The following SOX5 variants were observed in gnomAD, a reference collection of about 807,000 sequenced individuals.
SOX5 encodes the protein SRY-box transcription factor 5, also known as transcription factor SOX-5.
A neutral mutation model predicts 92.0 loss-of-function variants in SOX5; 9 were observed. The observed-to-expected ratio is 0.10, with a 90% CI of 0.06 to 0.17. SOX5 has a LOEUF of 0.17. Ranked by LOEUF, SOX5 falls within the 10% of genes least tolerant of loss-of-function variation. The pLI, the probability that SOX5 is intolerant of heterozygous loss-of-function variation, is 1.00. For missense variants in SOX5, 642 were observed against 944.5 expected (o/e 0.68, Z 4.20); for synonymous variants, 344 against 336.3 (o/e 1.02, Z -0.25).
intron 1 of SOX5, among the ~76,000 whole-genome samples, chr12:23,946,373 C>T (rs909307061): frequency 1.7e-4 from 26 of 151,818 alleles, no homozygotes; most frequent in Non-Finnish European, 3.1e-4. Flanking sequence ...GAAACTGTAA[C>T]GGGAAGCTTA....
intron 2 of SOX5, among the ~76,000 whole-genome samples, chr12:24,361,483 T>C (rs1441281872): frequency 6.6e-6 from 1 of 152,116 alleles, no homozygotes; most frequent in African/African-American, 2.4e-5. Context: ...GAGGCTTAAA[T>C]TATATAATAC....
rs569346145 is a variant in SOX5 at position 23,749,853 on chromosome 12, C to T, written c.568+5785G>A. ...TTATCCCAAAACATGGCATTTTTCA[C>T]TTGTCATTCCTTCCTCAAATATGCA... On this transcript the variant is annotated intron_variant, in intron 4 of 14. Transcript: ENST00000451604. Among the ~76,000 whole-genome samples, 78 of 151,986 alleles carry T rather than the reference C, an allele frequency of 5.1e-4. 1 individual carries two copies. Among genetic ancestry groups the T allele is most frequent in the African/African-American group, 1.6e-3 (65 of 41,520 alleles).
intron 4 of SOX5, among the ~76,000 whole-genome samples, chr12:24,045,272 T>C (rs1956886204): frequency 6.6e-6 from 1 of 152,148 alleles, no homozygotes; most frequent in Non-Finnish European, 1.5e-5. Flanking sequence ...AATGCTTCCC[T>C]CATAGGATTG....
chr12:24,401,356 G>GA (rs1425838279), intron 1 of SOX5, among the ~76,000 whole-genome samples: 4 of 144,196 alleles, frequency 2.8e-5, no homozygotes, highest in African/African-American at 5.2e-5. Context: ...CATCTCAGGG[G>GA]AAAAAAAAAA....
intron 2 of SOX5, among the ~76,000 whole-genome samples, chr12:24,328,462 A>G (rs1400696435): frequency 1.3e-5 from 2 of 152,210 alleles, no homozygotes; most frequent in African/African-American, 4.8e-5. Context: ...GGTAGTTGAC[A>G]TTCAATCCAA....
chr12:24,278,298 T>C (rs1366350585), intron 2 of SOX5, among the ~76,000 whole-genome samples: 1 of 152,178 alleles, frequency 6.6e-6, no homozygotes, highest in Non-Finnish European at 1.5e-5. Context: ...GAACTTTTGT[T>C]AGGAAGCACA....
chr12:24,400,317 A>T (rs1474293798), intron 1 of SOX5, among the ~76,000 whole-genome samples: 1 of 152,118 alleles, frequency 6.6e-6, no homozygotes, highest in Non-Finnish European at 1.5e-5. Flanking sequence ...CCTTCTTTTC[A>T]TTCTTGACAC....
intron 2 of SOX5, among the ~76,000 whole-genome samples, chr12:24,356,641 A>T (rs904946318): frequency 6.6e-6 from 1 of 152,160 alleles, no homozygotes; most frequent in Non-Finnish European, 1.5e-5. Context: ...AACACCATGC[A>T]CAGGCCTCTC....
At chr12:24,218,669 A>G (rs368626974) in intron 3 of SOX5, among the ~76,000 whole-genome samples, 1 of 152,202 alleles carries the variant, frequency 6.6e-6, no homozygotes, top group South Asian at 2.1e-4. Context: ...TTTAAAAATT[A>G]CATACTATGA....
chr12:23,881,994 G>C (rs1239175160), intron 2 of SOX5, among the ~76,000 whole-genome samples: 2 of 152,146 alleles, frequency 1.3e-5, no homozygotes, highest in African/African-American at 4.8e-5. Flanking sequence ...AAGTACATTA[G>C]GAAAGTGACA....
intron 1 of SOX5, among the ~76,000 whole-genome samples, chr12:23,932,372 C>A (rs987720037): frequency 6.6e-5 from 10 of 151,464 alleles, no homozygotes; most frequent in African/African-American, 2.4e-4. Flanking sequence ...CTTGACTGGA[C>A]CCTTGATTTT....
At position 23,586,019 on chromosome 12, in the gene SOX5, C is replaced by T. The variant is rs117707647; in HGVS notation, c.1165-10181G>A. Reference sequence around the variant, plus strand: ...TCCTTAAGCCCCTCTATAAAATGGACCACATCTCTCCCCAAACCCAGAAAT... The same window carrying T: ...TCCTTAAGCCCCTCTATAAAATGGATCACATCTCTCCCCAAACCCAGAAAT... On this transcript the variant is annotated intron_variant, in intron 9 of 14. Transcript: ENST00000451604. 1.9e-3 allele frequency among the ~76,000 whole-genome samples: 289 copies of T among 152,150 alleles called. 1 individual carries two copies. Among genetic ancestry groups the T allele is most frequent in the Middle Eastern group, 3.4e-3 (1 of 294 alleles).
At chr12:24,109,599 C>G (rs1295188439) in intron 4 of SOX5, among the ~76,000 whole-genome samples, 2 of 152,180 alleles carry the variant, frequency 1.3e-5, no homozygotes, top group African/African-American at 2.4e-5. Flanking sequence ...ATGCAAATAT[C>G]GAAGCTAGCT....
rs150629873 is a variant in SOX5, at chr12:23,957,333, TTG to T, written c.-1-61311_-1-61310del. On this transcript the variant is annotated intron_variant, in intron 4 of 4. Transcript: ENST00000446891. ...TAATTTTATGACTAAGTTCATCTAT[TTG>T]TGATTCTGAAAAAATTTCGTGCCTG... 6.8e-3 allele frequency among the ~76,000 whole-genome samples: 1,042 copies of T among 152,340 alleles called. 11 individuals are homozygous for T. Among genetic ancestry groups the T allele is most frequent in the African/African-American group, 0.024 (1,000 of 41,572 alleles).
At position 24,055,455 on chromosome 12, in the gene SOX5, C is replaced by T. The variant is rs573763255; in HGVS notation, c.-2+157888G>A. On this transcript the variant is annotated intron_variant, in intron 4 of 4. Coordinates refer to the SOX5 transcript ENST00000446891. ...AAAAATCAGAAAGGAAAGTTCACAGCTCCCTCTTTGTCACAACGAAGTTTC... is the reference window on the plus strand; with the variant it reads ...AAAAATCAGAAAGGAAAGTTCACAGTTCCCTCTTTGTCACAACGAAGTTTC... 3.9e-5 allele frequency among the ~76,000 whole-genome samples: 6 copies of T among 152,334 alleles called. No individual in the cohort carries two copies. The South Asian group carries it at 1.2e-3, about 32-fold the overall frequency.
At chr12:23,614,956 C>T (rs970550015) in intron 8 of SOX5, among the ~76,000 whole-genome samples, 1 of 152,086 alleles carries the variant, frequency 6.6e-6, no homozygotes, top group Non-Finnish European at 1.5e-5. Flanking sequence ...CGTGTGCCAC[C>T]GCGCCCAGCT....
At chr12:24,155,493 T>C (rs1952072931) in intron 4 of SOX5, among the ~76,000 whole-genome samples, 1 of 152,092 alleles carries the variant, frequency 6.6e-6, no homozygotes, top group South Asian at 2.1e-4. Flanking sequence ...ACAATGTTGC[T>C]CCCACGAAAA....
At chr12:24,541,485 G>T (rs535616132) in intron 1 of SOX5, among the ~76,000 whole-genome samples, 1 of 152,070 alleles carries the variant, frequency 6.6e-6, no homozygotes, top group Non-Finnish European at 1.5e-5. Context: ...CTATTTAATC[G>T]ACTCAATTAT....
intron 4 of SOX5, among the ~76,000 whole-genome samples, chr12:24,106,897 G>C (rs1362760744): frequency 6.6e-6 from 1 of 151,148 alleles, no homozygotes; most frequent in Non-Finnish European, 1.5e-5. Flanking sequence ...TACCCTAAAA[G>C]AGATTATAAA....
Sources: allele counts gnomAD v4.1 joint callset (sites outside exome capture counted in the v4.1 genomes callset), GRCh38; gene constraint gnomAD v4.1.1; transcripts MANE v1.5; gene names NCBI Gene and HGNC (gene_info 2026-07-23, HGNC 2026-07-21).